Variants in PLOD2 observed in about 807,000 individuals in gnomAD.
The protein encoded by PLOD2 is lysine hydroxylase 2.
PLOD2 carries 65 observed loss-of-function variants against 101.0 expected under a neutral mutation model. That is an observed-to-expected ratio of 0.64 (90% confidence interval 0.53 to 0.79). The LOEUF (loss-of-function observed/expected upper bound fraction) is 0.79. Among genes scored for constraint, PLOD2 ranks in the 30% least tolerant of loss-of-function variants. The pLI, the probability that PLOD2 is intolerant of heterozygous loss-of-function variation, is 0.00. For missense variants in PLOD2, 909 were observed against 914.6 expected, an observed-to-expected ratio of 0.99 and a Z score of 0.08; for synonymous variants, 314 against 302.9, an observed-to-expected ratio of 1.04 and a Z score of -0.38.
intron 11 of PLOD2, among the ~76,000 whole-genome samples, chr3:146,083,898 TAGA>T (rs1157631473): frequency 3.3e-5 from 5 of 151,920 alleles, no homozygotes; most frequent in Admixed American, 1.3e-4. Context: ...TTTTTTCTTT[TAGA>T]AGATTTAAAA....
intron 1 of PLOD2, among the ~76,000 whole-genome samples, chr3:146,160,368 T>A (rs1462909934): frequency 6.6e-6 from 1 of 152,140 alleles, no homozygotes; most frequent in Non-Finnish European, 1.5e-5. Flanking sequence ...CAGGCAGCCT[T>A]ACTGAAAACA....
intron 7 of PLOD2, among the ~76,000 whole-genome samples, chr3:146,099,751 A>T (rs1234005059): frequency 6.6e-6 from 1 of 152,100 alleles, no homozygotes; most frequent in African/African-American, 2.4e-5. Flanking sequence ...AGTTATGGGA[A>T]AAGTGGGGTT....
chr3:146,123,283 T>C, intron 2 of PLOD2: 1 of 1,172,608 alleles, frequency 8.5e-7, no homozygotes, highest in Non-Finnish European at 1.1e-6. Flanking sequence ...CTCCTTGTTC[T>C]CCTCTTATTT....
chr3:146,123,180 A>C, intron 2 of PLOD2: 2 of 286,250 alleles, frequency 7.0e-6, no homozygotes, highest in South Asian at 4.5e-5. Context: ...TTAATATACT[A>C]CATACTCAAA....
intron 11 of PLOD2, 97 bp downstream of exon 11, chr3:146,085,072 C>A (rs942594992): frequency 1.4e-5 from 9 of 650,900 alleles, no homozygotes; most frequent in Admixed American, 1.1e-4. Context: ...AACTAAGTTC[C>A]CTCAATTTAC....
At chr3:146,112,488 G>C (rs1042778570) in intron 3 of PLOD2, among the ~76,000 whole-genome samples, 5 of 151,982 alleles carry the variant, frequency 3.3e-5, no homozygotes, top group African/African-American at 1.2e-4. Context: ...TCACACAGTG[G>C]AGTTTGTCGG....
chr3:146,111,816 A>G (rs1937645435), intron 3 of PLOD2, among the ~76,000 whole-genome samples: 1 of 151,218 alleles, frequency 6.6e-6, no homozygotes, highest in South Asian at 2.1e-4. Flanking sequence ...TAACGGTGAT[A>G]TTTTCCTCAA....
In PLOD2 at chr3:146,117,389, C is replaced by A. The variant is rs549539116; in HGVS notation, c.338+3723G>T. 4.6e-5 allele frequency among the ~76,000 whole-genome samples: 7 copies of A among 152,216 alleles called. No homozygotes were observed. The East Asian group carries it at 1.2e-3, about 25-fold the overall frequency. On this transcript the variant is annotated intron_variant, in intron 3 of 19. Coordinates refer to ENST00000282903, the MANE Select transcript of PLOD2 (RefSeq NM_182943.3). ...TGGGCATCATATTTCAAACCATTTA[C>A]AAACAGTTTAATTCATTCTCCCAGG... is the stretch of plus-strand genomic sequence containing the variant.
At chr3:146,147,602 G>A (rs1038074599) in intron 1 of PLOD2, among the ~76,000 whole-genome samples, 5 of 152,104 alleles carry the variant, frequency 3.3e-5, no homozygotes, top group African/African-American at 1.2e-4. Flanking sequence ...GGACTCAACC[G>A]ACAGGATGCA....
intron 1 of PLOD2, among the ~76,000 whole-genome samples, chr3:146,139,141 G>A (rs2031397097): frequency 6.6e-6 from 1 of 152,002 alleles, no homozygotes; most frequent in Non-Finnish European, 1.5e-5. Flanking sequence ...TAGTAAAGGA[G>A]GTAAAAAGTC....
rs1221715510 is a variant in PLOD2 at position 146,091,910 on chromosome 3, T to C, written c.778-9A>G. 4.9e-6 allele frequency: 7 copies of C among 1,425,266 alleles called. No homozygotes were observed. Among genetic ancestry groups the C allele is most frequent in the South Asian group, 1.1e-5 (1 of 87,286 alleles). The allele number at this position is 1,425,266 out of a possible 1,614,324, so 88.3% of individuals were successfully genotyped here. On this transcript the variant is annotated splice_polypyrimidine_tract_variant and intron_variant, in intron 7 of 19. Transcript: ENST00000282903. Reference sequence around the variant, plus strand: ...AAATAATTCAGGAGAATCTTGTAAATGAAGGAAAAGGTTATTAATGAAAGC... The same window carrying C: ...AAATAATTCAGGAGAATCTTGTAAACGAAGGAAAAGGTTATTAATGAAAGC...
At chr3:146,108,665 T>C (rs187713571) in intron 4 of PLOD2, among the ~76,000 whole-genome samples, 2 of 152,332 alleles carry the variant, frequency 1.3e-5, no homozygotes, top group Admixed American at 1.3e-4. Flanking sequence ...CTTTTATGAT[T>C]ACTTTCCCAC....
rs541062390 is a variant in PLOD2 at position 146,085,328 on chromosome 3, C to T, written c.1128-55G>A. On this transcript the variant is annotated intron_variant, in intron 10 of 19. Transcript: ENST00000282903. The stretch of plus-strand genomic sequence containing the variant: ...ATGACATAAAATAAATATCTGCTGA[C>T]TGAAAAATGTTAATATATATATTCT... 1.3e-5 allele frequency: 11 copies of T among 869,970 alleles called. No individual in the cohort carries two copies. In the African/African-American group the frequency reaches 1.3e-4, roughly 11 times the overall value. The allele number at this position is 869,970 out of a possible 1,614,324, so 53.9% of individuals were successfully genotyped here.
chr3:146,156,687 G>A (rs1191036736), intron 1 of PLOD2, among the ~76,000 whole-genome samples: 1 of 152,180 alleles, frequency 6.6e-6, no homozygotes, highest in African/African-American at 2.4e-5. Flanking sequence ...TACATAACCT[G>A]CAAATTATGC....
intron 7 of PLOD2, among the ~76,000 whole-genome samples, chr3:146,101,762 G>A (rs75355105): frequency 6.6e-5 from 10 of 152,180 alleles, no homozygotes; most frequent in African/African-American, 2.2e-4. Context: ...TAAGATGGAG[G>A]AGACTTACTG....
intron 1 of PLOD2, among the ~76,000 whole-genome samples, chr3:146,152,442 T>C (rs1313633503): frequency 6.6e-6 from 1 of 151,900 alleles, no homozygotes; most frequent in Non-Finnish European, 1.5e-5. Context: ...TTCTATCTAG[T>C]GAAGAAAATT....
chr3:146,104,755 G>A (rs1286707295), intron 5 of PLOD2, among the ~76,000 whole-genome samples: 3 of 152,140 alleles, frequency 2.0e-5, no homozygotes, highest in South Asian at 2.1e-4. Flanking sequence ...GTCTATGGAA[G>A]ACTGCTTATT....
chr3:146,144,808 T>C (rs1417906525), intron 1 of PLOD2, among the ~76,000 whole-genome samples: 2 of 150,898 alleles, frequency 1.3e-5, no homozygotes. Flanking sequence ...TCAATATGTA[T>C]GTATATCTTG....
At chr3:146,098,618 A>T (rs1937282927) in intron 7 of PLOD2, among the ~76,000 whole-genome samples, 2 of 152,150 alleles carry the variant, frequency 1.3e-5, no homozygotes, top group Admixed American at 6.5e-5. Flanking sequence ...AAAATTGTTA[A>T]TATTTTTTCC....
Sources: gnomAD v4.1 joint callset for allele counts (sites outside exome capture counted in the v4.1 genomes callset) on GRCh38, gnomAD v4.1.1 for gene constraint, MANE v1.5 for transcripts, NCBI Gene and HGNC (gene_info 2026-07-23, HGNC 2026-07-21) for gene names.